The following TCP11L1 variants were observed in gnomAD, a reference collection of about 807,000 sequenced individuals.
The protein encoded by TCP11L1 is T-complex protein 11-like protein 1.
Under a neutral mutation model 48.9 loss-of-function variants are expected in TCP11L1, and 28 were observed. That is an observed-to-expected ratio of 0.57 (90% CI 0.42 to 0.78). The LOEUF (loss-of-function observed/expected upper bound fraction) is 0.78. Ranked by LOEUF, TCP11L1 falls within the 30% of genes least tolerant of loss-of-function variation. The pLI is 0.00. For synonymous variants in TCP11L1, 204 were observed against 231.9 expected (o/e 0.88, Z 1.09); for missense variants, 505 against 613.4 (o/e 0.82, Z 1.87).
At chr11:33,068,219 G>A (rs1854675653) in intron 8 of TCP11L1, among the ~76,000 whole-genome samples, 3 of 152,252 alleles carry the variant, frequency 2.0e-5, no homozygotes, top group South Asian at 4.1e-4. Flanking sequence ...CACTGAGCCC[G>A]GCCTCTTTAT....
At chr11:33,072,336 G>C (rs1854815910) in intron 9 of TCP11L1, 138 bp from the exon 10 acceptor site, 1 of 809,852 alleles carries the variant, frequency 1.2e-6, no homozygotes, top group Non-Finnish European at 2.1e-6. Context: ...AGTGCAAGGT[G>C]CTGTGGGTAT....
intron 8 of TCP11L1, among the ~76,000 whole-genome samples, chr11:33,067,989 T>G (rs1274787271): frequency 1.3e-5 from 2 of 152,162 alleles, no homozygotes; most frequent in Non-Finnish European, 2.9e-5. Context: ...TGCAATGACG[T>G]GATCTCGGCG....
At chr11:33,071,229 C>T (rs746524659) in intron 9 of TCP11L1, among the ~76,000 whole-genome samples, 14 of 151,902 alleles carry the variant, frequency 9.2e-5, no homozygotes, top group Non-Finnish European at 1.8e-4. Context: ...TGGGGAGAAT[C>T]GCTTGAACTC....
intron 3 of TCP11L1, chr11:33,056,836 T>C: frequency 2.9e-6 from 1 of 348,028 alleles, no homozygotes; most frequent in Non-Finnish European, 5.3e-6. Flanking sequence ...CTTTCCAATA[T>C]TCTTATTATA....
chr11:33,059,603 G>A (rs1257142474), intron 6 of TCP11L1, among the ~76,000 whole-genome samples: 1 of 152,170 alleles, frequency 6.6e-6, no homozygotes, highest in Non-Finnish European at 1.5e-5. Context: ...CTAAAACTAC[G>A]TTGTATTTCT....
At chr11:33,071,979 G>A (rs1854803239) in intron 9 of TCP11L1, among the ~76,000 whole-genome samples, 1 of 152,128 alleles carries the variant, frequency 6.6e-6, no homozygotes, top group Admixed American at 6.5e-5. Context: ...CCGAGTAGCT[G>A]GGACAACAGG....
intron 7 of TCP11L1, among the ~76,000 whole-genome samples, chr11:33,064,125 A>G (rs1854542414): frequency 6.6e-6 from 1 of 152,132 alleles, no homozygotes; most frequent in African/African-American, 2.4e-5. Flanking sequence ...AGTCTTATGA[A>G]TAAACCCTCT....
intron 2 of TCP11L1, among the ~76,000 whole-genome samples, chr11:33,052,088 G>C (rs768148302): frequency 2.6e-4 from 39 of 152,014 alleles, no homozygotes; most frequent in Non-Finnish European, 4.9e-4. Flanking sequence ...GAGACACTGG[G>C]GTCTACTGGA....
chr11:33,061,755 A>T (rs763540387), intron 7 of TCP11L1, 29 bp downstream of exon 7: 4 of 1,545,046 alleles, frequency 2.6e-6, no homozygotes, highest in East Asian at 2.3e-5. Context: ...CTCACTACTC[A>T]TATTTGTTTT....
chr11:33,066,054 A>G (rs1854609176), intron 8 of TCP11L1, 43 bp downstream of exon 8: 1 of 1,605,532 alleles, frequency 6.2e-7, no homozygotes, highest in Non-Finnish European at 8.5e-7. Context: ...AGTGGATGTC[A>G]GAGAGCCGAC....
At chr11:33,063,929 A>C (rs963341971) in intron 7 of TCP11L1, among the ~76,000 whole-genome samples, 7 of 152,238 alleles carry the variant, frequency 4.6e-5, no homozygotes, top group African/African-American at 1.7e-4. Context: ...TTCTGGAGGG[A>C]AGTTCTCAGC....
chr11:33,072,271 G>A (rs1225890548), intron 9 of TCP11L1, among the ~76,000 whole-genome samples: 3 of 152,212 alleles, frequency 2.0e-5, no homozygotes, highest in Non-Finnish European at 2.9e-5. Flanking sequence ...CTACCTTCAT[G>A]AAACTAACCA....
At chr11:33,066,104 C>G in intron 8 of TCP11L1, 93 bp downstream of exon 8, 1 of 1,488,104 alleles carries the variant, frequency 6.7e-7, no homozygotes, top group Non-Finnish European at 9.2e-7. Context: ...AAGGCAGAGC[C>G]CAGGGCCACT....
At chr11:33,061,838 T>C in intron 7 of TCP11L1, 112 bp downstream of exon 7, 1 of 1,134,844 alleles carries the variant, frequency 8.8e-7, no homozygotes, top group Non-Finnish European at 1.2e-6. Context: ...CCCAGCACTT[T>C]GGGAGGCAGA....
At chr11:33,072,135 C>T (rs916620585) in intron 9 of TCP11L1, among the ~76,000 whole-genome samples, 10 of 152,166 alleles carry the variant, frequency 6.6e-5, no homozygotes, top group Non-Finnish European at 1.2e-4. Context: ...TGAGCCACCG[C>T]GCCTGGCCAC....
At chr11:33,044,012 C>T (rs1853914658) in intron 2 of TCP11L1, 76 bp downstream of exon 2, 1 of 1,416,650 alleles carries the variant, frequency 7.1e-7, no homozygotes, top group Non-Finnish European at 9.5e-7. Context: ...CCTCCTTGTG[C>T]ATGTGGCCGT....
intron 5 of TCP11L1, 59 bp downstream of exon 5, chr11:33,058,198 TTTCTTTTC>T: frequency 1.4e-6 from 2 of 1,436,330 alleles, no homozygotes; most frequent in Non-Finnish European, 1.8e-6. Context: ...TTTTCTTTTT[TTTCTTTTC>T]TTTTTTTTTT....
intron 8 of TCP11L1, among the ~76,000 whole-genome samples, chr11:33,068,203 G>C (rs541855498): frequency 5.1e-4 from 78 of 152,332 alleles, no homozygotes; most frequent in Middle Eastern, 3.4e-3. Context: ...GATTATAGGC[G>C]TGAGCCACTG....
At chr11:33,068,510 C>A (rs1045732656) in intron 8 of TCP11L1, among the ~76,000 whole-genome samples, 177 bp from the exon 9 acceptor site, 3 of 151,790 alleles carry the variant, frequency 2.0e-5, no homozygotes, top group African/African-American at 7.2e-5. Context: ...AAAGAAAGTC[C>A]CCCTGGTCAG....
Sources: allele counts gnomAD v4.1 joint callset (sites outside exome capture counted in the v4.1 genomes callset), GRCh38; gene constraint gnomAD v4.1.1; transcripts MANE v1.5; gene names NCBI Gene and HGNC (gene_info 2026-07-23, HGNC 2026-07-21).